Variants in BDP1 observed in about 807,000 individuals in gnomAD.
BDP1 encodes BDP1 general transcription factor IIIB subunit.
BDP1 carries 169 observed loss-of-function variants against 266.6 expected under a neutral mutation model. The ratio of observed to expected loss-of-function variants is 0.63; its 90% CI spans 0.56 to 0.72. BDP1 has a LOEUF of 0.72. BDP1 is among the 30% of genes least tolerant of loss of function. The pLI is 0.00. For missense variants in BDP1, 3,015 were observed against 3,053.8 expected, an observed-to-expected ratio of 0.99 and a Z score of 0.30; for synonymous variants, 1,090 against 1,022.4, an observed-to-expected ratio of 1.07 and a Z score of -1.26.
At chr5:71,551,949 G>A (rs1742806566) in intron 34 of BDP1, among the ~76,000 whole-genome samples, 1 of 149,340 alleles carries the variant, frequency 6.7e-6, no homozygotes, top group African/African-American at 2.5e-5. Context: ...GCCGGGCGGG[G>A]GGCTGACCCC....
intron 17 of BDP1, among the ~76,000 whole-genome samples, 176 bp from the exon 18 acceptor site, chr5:71,512,065 A>AAAAGGGTTTC: frequency 6.6e-6 from 1 of 152,212 alleles, no homozygotes; most frequent in Middle Eastern, 3.4e-3. Context: ...TATGCAACAT[A>AAAAGGGTTTC]AAAGGGTTTC....
downstream of BDP1, among the ~76,000 whole-genome samples, chr5:71,569,718 G>A (rs1023223544): frequency 1.3e-5 from 2 of 152,102 alleles, no homozygotes; most frequent in South Asian, 2.1e-4. Flanking sequence ...GTACTCCAGC[G>A]TGGGTGAAAG....
chr5:71,484,186 A>G (rs1763122785), intron 8 of BDP1, among the ~76,000 whole-genome samples: 1 of 152,150 alleles, frequency 6.6e-6, no homozygotes, highest in African/African-American at 2.4e-5. Flanking sequence ...AAGGAACTGT[A>G]TGGGAGGAGA....
chr5:71,467,220 A>G (rs1025548523), intron 5 of BDP1, 134 bp from the exon 6 acceptor site: 9 of 694,904 alleles, frequency 1.3e-5, no homozygotes, highest in African/African-American at 1.3e-4. Flanking sequence ...GAAAATACCC[A>G]TATTTCACAT....
intron 13 of BDP1, among the ~76,000 whole-genome samples, chr5:71,500,494 T>A (rs769171314): frequency 9.2e-5 from 14 of 151,420 alleles, no homozygotes; most frequent in Non-Finnish European, 1.6e-4. Flanking sequence ...CCCGGCTAAT[T>A]TTTTGTATAT....
At chr5:71,508,051 G>A (rs1162139491) in intron 16 of BDP1, among the ~76,000 whole-genome samples, 1 of 148,986 alleles carries the variant, frequency 6.7e-6, no homozygotes, top group Non-Finnish European at 1.5e-5. Flanking sequence ...TGCAACCTCC[G>A]CCCCCTGGGT....
At chr5:71,478,638 A>G (rs933189740) in intron 7 of BDP1, among the ~76,000 whole-genome samples, 1 of 149,476 alleles carries the variant, frequency 6.7e-6, no homozygotes, top group African/African-American at 2.5e-5. Context: ...GATTAATTAT[A>G]TTTCTCTGGC....
chr5:71,542,715 T>C (rs548672674), intron 30 of BDP1, among the ~76,000 whole-genome samples: 3 of 151,992 alleles, frequency 2.0e-5, no homozygotes, highest in African/African-American at 7.2e-5. Flanking sequence ...TATATATATA[T>C]ATTCATGTAT....
chr5:71,490,254 A>G (rs1207548650), intron 10 of BDP1, among the ~76,000 whole-genome samples: 1 of 152,192 alleles, frequency 6.6e-6, no homozygotes, highest in African/African-American at 2.4e-5. Context: ...AGCAGACCAG[A>G]ACAACCTTTC....
intron 38 of BDP1, among the ~76,000 whole-genome samples, chr5:71,564,506 T>C (rs1003598566): frequency 6.6e-6 from 1 of 152,094 alleles, no homozygotes; most frequent in Non-Finnish European, 1.5e-5. Flanking sequence ...TTTATTATTA[T>C]AACTAATGCT....
chr5:71,551,940 C>A (rs1742804857), intron 34 of BDP1, among the ~76,000 whole-genome samples: 1 of 149,226 alleles, frequency 6.7e-6, no homozygotes, highest in African/African-American at 2.5e-5. Context: ...GGGCGGCTGG[C>A]CGGGCGGGGG....
intron 3 of BDP1, 61 bp from the exon 4 acceptor site, chr5:71,463,997 A>T (rs555929138): frequency 1.0e-6 from 1 of 983,998 alleles, no homozygotes; most frequent in African/African-American, 1.7e-5. Context: ...TTGCCTACAG[A>T]TAGAATTGGG....
Position 71,553,208 on chromosome 5 carries a change from A to T in BDP1, c.7088A>T (p.Asp2363Val). 2 of 1,613,318 alleles carry T rather than the reference A, an allele frequency of 1.2e-6. No homozygotes were observed. The highest frequency in any genetic ancestry group is 1.7e-6 in the Non-Finnish European group (2 of 1,179,878). The change falls in exon 35 of 39, where the codon GAT (aspartate) becomes GTT (valine). Residue 2363 changes from aspartate to valine, a missense_variant. By Grantham distance (152) the Asp-to-Val change is radical. Coordinates refer to ENST00000358731, the MANE Select transcript of BDP1 (RefSeq NM_018429.3). Reference protein sequence around the residue: ...DNSKKPPDNLDLVSRKRFQCR... With the variant: ...DNSKKPPDNLVLVSRKRFQCR... ...TCTAAAAAGCCGCCTGATAATTTGG[A>T]TCTTGTATCTAGGAAGAGATTTCAA...
chr5:71,482,376 C>T (rs910951727), intron 7 of BDP1, among the ~76,000 whole-genome samples: 3 of 152,104 alleles, frequency 2.0e-5, no homozygotes, highest in South Asian at 2.1e-4. Flanking sequence ...TCCTTCTCTC[C>T]GTGATTGTAG....
chr5:71,480,274 C>T (rs1035514047), intron 7 of BDP1, among the ~76,000 whole-genome samples: 6 of 127,104 alleles, frequency 4.7e-5, no homozygotes, highest in African/African-American at 1.5e-4. Context: ...CCATGCCCAG[C>T]TAATTTTTTT....
At chr5:71,464,715 G>GTTTTTTTTTTTTT (rs567761591) in intron 4 of BDP1, among the ~76,000 whole-genome samples, 1 of 88,060 alleles carries the variant, frequency 1.1e-5, no homozygotes, top group Admixed American at 1.7e-4. Flanking sequence ...AAATTTTTTA[G>GTTTTTTTTTTTTT]TTTTTTTTTT....
chr5:71,464,715 G>GTTTT (rs567761591), intron 4 of BDP1, among the ~76,000 whole-genome samples: 1,667 of 88,068 alleles, frequency 0.019, 84 homozygotes, highest in Middle Eastern at 0.027. Flanking sequence ...AAATTTTTTA[G>GTTTT]TTTTTTTTTT....
chr5:71,458,441 A>G, intron 1 of BDP1, 138 bp from the exon 2 acceptor site: 3 of 673,702 alleles, frequency 4.5e-6, no homozygotes, highest in Non-Finnish European at 7.5e-6. Flanking sequence ...TGTCATAATT[A>G]TCATAAATCT....
chr5:71,571,049 A>G (rs1051087248), downstream of BDP1, among the ~76,000 whole-genome samples: 1 of 152,272 alleles, frequency 6.6e-6, no homozygotes, highest in Non-Finnish European at 1.5e-5. Flanking sequence ...AACTATTTAT[A>G]TAGCATTCAT....
Sources: gnomAD v4.1 joint callset for allele counts (sites outside exome capture counted in the v4.1 genomes callset) on GRCh38, gnomAD v4.1.1 for gene constraint, MANE v1.5 for transcripts, NCBI Gene and HGNC (gene_info 2026-07-23, HGNC 2026-07-21) for gene names.